The following MAF variants were observed in gnomAD, a reference collection of about 807,000 sequenced individuals.
MAF encodes the protein MAF bZIP transcription factor, also known as transcription factor Maf.
In MAF, 10 loss-of-function variants were observed where a neutral mutation model predicts 22.0. That is an observed-to-expected ratio of 0.45 (90% confidence interval 0.28 to 0.77). MAF has a LOEUF of 0.77. Ranked by LOEUF, MAF falls within the 30% of genes least tolerant of loss-of-function variation. The pLI is 0.12. For synonymous variants in MAF, 337 were observed against 255.8 expected (o/e 1.32, Z -3.03); for missense variants, 544 against 548.4 (o/e 0.99, Z 0.08).
At chr16:79,291,904 G>A in the MAF span, among the ~76,000 whole-genome samples, 1 of 150,916 alleles carries the variant, frequency 6.6e-6, no homozygotes, top group Non-Finnish European at 1.5e-5. Flanking sequence ...CAGGTGTGAT[G>A]TGTGGGTCAC....
chr16:79,543,838 C>G, the MAF span, among the ~76,000 whole-genome samples: 1 of 152,112 alleles, frequency 6.6e-6, no homozygotes, highest in African/African-American at 2.4e-5. Flanking sequence ...AGGCGCCTAC[C>G]ACCGCGCCCG....
At chr16:79,501,241 G>A in the MAF span, among the ~76,000 whole-genome samples, 1 of 152,088 alleles carries the variant, frequency 6.6e-6, no homozygotes, top group Non-Finnish European at 1.5e-5. Flanking sequence ...CTCCTTGAAG[G>A]GTTGTCAGAT....
the MAF span, among the ~76,000 whole-genome samples, chr16:79,492,242 C>T: frequency 5.9e-5 from 9 of 152,134 alleles, no homozygotes; most frequent in Non-Finnish European, 8.8e-5. Context: ...TTATGAGACC[C>T]GCCTGGGGCT....
chr16:79,353,666 A>G, the MAF span, among the ~76,000 whole-genome samples: 1 of 151,946 alleles, frequency 6.6e-6, no homozygotes, highest in African/African-American at 2.4e-5. Flanking sequence ...GTGGGCTGCT[A>G]TTTTTCTGCC....
chr16:79,528,869 T>C, the MAF span, among the ~76,000 whole-genome samples: 39 of 152,300 alleles, frequency 2.6e-4, no homozygotes, highest in Non-Finnish European at 4.4e-4. Flanking sequence ...GCTGGCTACC[T>C]GCAGTAATGT....
At chr16:79,440,236 G>C in the MAF span, among the ~76,000 whole-genome samples, 1 of 152,186 alleles carries the variant, frequency 6.6e-6, no homozygotes, top group Non-Finnish European at 1.5e-5. Flanking sequence ...CTTTGCAGCT[G>C]TCTTGGGCCC....
the MAF span, among the ~76,000 whole-genome samples, chr16:79,354,879 T>C: frequency 1.3e-5 from 2 of 151,924 alleles, no homozygotes; most frequent in East Asian, 3.9e-4. Flanking sequence ...AAACACACCA[T>C]GTGTATGAGA....
At chr16:79,418,139 G>A in the MAF span, among the ~76,000 whole-genome samples, 2 of 152,178 alleles carry the variant, frequency 1.3e-5, no homozygotes, top group African/African-American at 4.8e-5. Context: ...CCAGCCTGAA[G>A]CCGGATGATT....
At chr16:79,534,435 C>T in the MAF span, among the ~76,000 whole-genome samples, 3 of 152,120 alleles carry the variant, frequency 2.0e-5, no homozygotes, top group East Asian at 3.9e-4. Flanking sequence ...TCCTGGAATG[C>T]AATGCCCCAA....
chr16:79,569,861 C>G, the MAF span, among the ~76,000 whole-genome samples: 1 of 152,056 alleles, frequency 6.6e-6, no homozygotes, highest in Non-Finnish European at 1.5e-5. Context: ...AGGCAGGGGT[C>G]AAAGTAAAAC....
the MAF span, among the ~76,000 whole-genome samples, chr16:79,217,196 G>C: frequency 4.4e-4 from 67 of 152,336 alleles, no homozygotes; most frequent in African/African-American, 1.6e-3. Flanking sequence ...TATGCTCATA[G>C]GATGAAAGTG....
At chr16:79,214,617 G>C in the MAF span, among the ~76,000 whole-genome samples, 2 of 151,450 alleles carry the variant, frequency 1.3e-5, no homozygotes, top group East Asian at 1.9e-4. Context: ...ATGTTGGCCA[G>C]GCTGGTCTTG....
the MAF span, among the ~76,000 whole-genome samples, chr16:79,377,495 G>A: frequency 1.3e-5 from 2 of 152,262 alleles, no homozygotes; most frequent in East Asian, 3.9e-4. Flanking sequence ...CACTCTGATG[G>A]TAGTTTCTTT....
At chr16:79,408,538 C>A in the MAF span, among the ~76,000 whole-genome samples, 1 of 152,112 alleles carries the variant, frequency 6.6e-6, no homozygotes, top group Non-Finnish European at 1.5e-5. Flanking sequence ...GTTCGCTGCA[C>A]CTCAGTTTCC....
At chr16:79,251,082 C>G in the MAF span, among the ~76,000 whole-genome samples, 15 of 152,100 alleles carry the variant, frequency 9.9e-5, no homozygotes, top group Admixed American at 9.8e-4. Flanking sequence ...TAGATTCCCC[C>G]CGTTTCACAG....
At chr16:79,316,144 G>A in the MAF span, among the ~76,000 whole-genome samples, 2 of 152,180 alleles carry the variant, frequency 1.3e-5, no homozygotes, top group Non-Finnish European at 2.9e-5. Flanking sequence ...AGGCGTGGGC[G>A]CCTGTTAGAA....
the MAF span, among the ~76,000 whole-genome samples, chr16:79,509,645 C>T: frequency 2.0e-5 from 3 of 152,352 alleles, no homozygotes; most frequent in South Asian, 6.2e-4. Context: ...CCAAGGCCTG[C>T]GTTACCTTGG....
the MAF span, among the ~76,000 whole-genome samples, chr16:79,337,471 G>C: frequency 6.6e-6 from 1 of 152,210 alleles, no homozygotes; most frequent in African/African-American, 2.4e-5. Context: ...AGGAGGCTGA[G>C]GCAGAAGAAT....
chr16:79,379,608 T>C, the MAF span, among the ~76,000 whole-genome samples: 28 of 152,338 alleles, frequency 1.8e-4, no homozygotes, highest in African/African-American at 6.5e-4. Context: ...TTACATTTGC[T>C]CTGGCTTTAG....
Sources: allele counts gnomAD v4.1 joint callset (sites outside exome capture counted in the v4.1 genomes callset), GRCh38; gene constraint gnomAD v4.1.1; transcripts MANE v1.5; gene names NCBI Gene and HGNC (gene_info 2026-07-23, HGNC 2026-07-21).